Variants in PTPN3 observed in about 807,000 individuals in gnomAD.
The protein encoded by PTPN3 is protein tyrosine phosphatase non-receptor type 3.
A neutral mutation model predicts 132.7 loss-of-function variants in PTPN3; 96 were observed. The observed-to-expected ratio is 0.72, with a 90% CI of 0.61 to 0.86. The LOEUF (loss-of-function observed/expected upper bound fraction) is 0.86, where lower values mean the gene tolerates loss of function less well. Ranked by LOEUF, PTPN3 falls within the 40% of genes least tolerant of loss-of-function variation. The pLI is 0.00. For synonymous variants in PTPN3, 398 were observed against 429.0 expected (o/e 0.93, Z 0.89); for missense variants, 1,125 against 1,159.6 (o/e 0.97, Z 0.43).
chr9:109,398,312 G>C (rs1471294414), intron 19 of PTPN3, among the ~76,000 whole-genome samples: 1 of 152,138 alleles, frequency 6.6e-6, no homozygotes, highest in Non-Finnish European at 1.5e-5. Context: ...AGATACAATT[G>C]CTCTCATTAA....
intron 21 of PTPN3, among the ~76,000 whole-genome samples, chr9:109,389,908 G>A (rs888175327): frequency 2.0e-5 from 3 of 152,214 alleles, no homozygotes; most frequent in Non-Finnish European, 4.4e-5. Context: ...TGAAATGAAT[G>A]TTTCAGGTAG....
In PTPN3 at chr9:109,423,333, A is replaced by T. The variant is rs149996550; in HGVS notation, c.1002-481T>A. ...TAGAAAGTAGTTTCAAACTGGGCAC[A>T]GTGGCTCATGCCTGCAATCCCAGCA... is the stretch of plus-strand genomic sequence containing the variant. On this transcript the variant is annotated intron_variant, in intron 12 of 25. Transcript: ENST00000374541. 2.6e-3 allele frequency among the ~76,000 whole-genome samples: 403 copies of T among 152,380 alleles called. 3 individuals are homozygous for T. Among genetic ancestry groups the T allele is most frequent in the African/African-American group, 9.4e-3 (391 of 41,590 alleles).
At chr9:109,455,571 T>C (rs1845519188) in intron 4 of PTPN3, among the ~76,000 whole-genome samples, 1 of 152,256 alleles carries the variant, frequency 6.6e-6, no homozygotes, top group African/African-American at 2.4e-5. Context: ...TGAGTACACC[T>C]GTCCACATGT....
At chr9:109,420,370 T>A in intron 14 of PTPN3, 54 bp downstream of exon 14, 1 of 1,524,358 alleles carries the variant, frequency 6.6e-7, no homozygotes, top group African/African-American at 1.4e-5. Context: ...CTGAGCAAAT[T>A]CCGCAACAGC....
intron 7 of PTPN3, among the ~76,000 whole-genome samples, chr9:109,439,459 G>A (rs1319879127): frequency 6.6e-6 from 1 of 152,128 alleles, no homozygotes; most frequent in African/African-American, 2.4e-5. Flanking sequence ...GCCTCCTGAG[G>A]ACTCTCAATT....
chr9:109,379,375 T>C lies in PTPN3; in HGVS notation c.*181A>G. 1.7e-6 allele frequency: 1 copy of C among 597,722 alleles called. No homozygotes were observed. The highest frequency in any genetic ancestry group is 3.0e-6 in the Non-Finnish European group (1 of 337,144). The allele number at this position is 597,722 out of a possible 1,614,324, so 37.0% of individuals were successfully genotyped here. ...CTAAATGATGCCATAATTGCATGCT[T>C]ATCTACACCAGTTCCTATGTACACG... On this transcript the variant is annotated 3_prime_UTR_variant, in exon 26 of 26. Coordinates refer to ENST00000374541, the MANE Select transcript of PTPN3 (RefSeq NM_002829.4).
chr9:109,475,366 A>AC (rs1287533066), intron 1 of PTPN3, among the ~76,000 whole-genome samples: 1 of 152,256 alleles, frequency 6.6e-6, no homozygotes, highest in African/African-American at 2.4e-5. Flanking sequence ...TGAATACCTC[A>AC]TTCTTGGAAA....
rs57892180 is a variant in PTPN3 at position 109,422,710 on chromosome 9, G to C, written c.1136+8C>G. The stretch of plus-strand genomic sequence containing the variant: ...GGTAGTACAAAAAAAAAAAAAAGGA[G>C]GACATACCAGTTGGGAGTAATGGGA... On this transcript the variant is annotated splice_region_variant and intron_variant, in intron 13 of 25. Coordinates refer to ENST00000374541, the MANE Select transcript of PTPN3 (RefSeq NM_002829.4). 6.3e-7 allele frequency: 1 copy of C among 1,593,130 alleles called. No individual in the cohort carries two copies. Among genetic ancestry groups the C allele is most frequent in the Admixed American group, 1.8e-5 (1 of 56,476 alleles).
intron 22 of PTPN3, among the ~76,000 whole-genome samples, chr9:109,387,546 C>T (rs911088418): frequency 2.6e-5 from 4 of 152,190 alleles, no homozygotes; most frequent in East Asian, 1.9e-4. Context: ...GCACCCACTA[C>T]TGGATGAGGC....
At position 109,410,318 on chromosome 9, in the gene PTPN3, CA is replaced by C. The variant is rs1841981436; in HGVS notation, c.1410del (p.Asp471ThrfsTer8). 6.2e-7 allele frequency: 1 copy of C among 1,614,050 alleles called. No homozygotes were observed. The highest frequency in any genetic ancestry group is 1.7e-5 in the Admixed American group (1 of 60,006). ...TCTAAGAGCTGCTGATCAACGCCGT[CA>C]GGTGAGCAGGAGCCTGGAGCATTTG... ...PSSNAPGSCS[P>X]DGVDQQLLDD... On this transcript the variant is annotated frameshift_variant, in exon 15 of 26. Transcript: ENST00000374541. LOFTEE classifies it high-confidence loss of function.
In PTPN3 at chr9:109,383,210, G is replaced by A. The variant is rs181760442; in HGVS notation, c.2382+213C>T. On this transcript the variant is annotated intron_variant, in intron 23 of 25. Coordinates refer to ENST00000374541, the MANE Select transcript of PTPN3 (RefSeq NM_002829.4). ...CGTGCTGTTTATCCATTCCTCCATC[G>A]ATGGACACTGGGCTGTTTGCACCTC... 171 of 693,866 alleles carry A rather than the reference G, an allele frequency of 2.5e-4. 1 individual carries two copies. In the East Asian group the frequency reaches 4.5e-3, roughly 18 times the overall value. 43.0% of individuals were successfully genotyped at this position (693,866 alleles called of 1,614,324 possible).
chr9:109,420,207 CA>C (rs1236904803), intron 14 of PTPN3, among the ~76,000 whole-genome samples: 1 of 152,092 alleles, frequency 6.6e-6, no homozygotes, highest in Non-Finnish European at 1.5e-5. Context: ...TTGTCGTGGA[CA>C]AAAAGAAGTA....
chr9:109,474,780 A>C (rs892904336), intron 1 of PTPN3, among the ~76,000 whole-genome samples: 1 of 152,156 alleles, frequency 6.6e-6, no homozygotes, highest in African/African-American at 2.4e-5. Context: ...TTAGGATACA[A>C]TGTAAGGCTG....
the PTPN3 span, among the ~76,000 whole-genome samples, chr9:109,507,540 G>A: frequency 6.6e-6 from 1 of 152,194 alleles, no homozygotes. Context: ...CCTCAACTGC[G>A]CCCTGGCGTC....
At chr9:109,412,317 C>T (rs1842139899) in intron 14 of PTPN3, among the ~76,000 whole-genome samples, 1 of 152,056 alleles carries the variant, frequency 6.6e-6, no homozygotes, top group Non-Finnish European at 1.5e-5. Flanking sequence ...AAGAGATCTT[C>T]CTATCTTGGT....
At chr9:109,399,515 G>C (rs1349231873) in intron 19 of PTPN3, among the ~76,000 whole-genome samples, 1 of 152,148 alleles carries the variant, frequency 6.6e-6, no homozygotes, top group Non-Finnish European at 1.5e-5. Flanking sequence ...CACCACACTT[G>C]CTAGGTTCCA....
At chr9:109,481,230 C>G (rs1473799542) in intron 1 of PTPN3, among the ~76,000 whole-genome samples, 1 of 152,144 alleles carries the variant, frequency 6.6e-6, no homozygotes. Flanking sequence ...AAGGGCAGGG[C>G]AGGGCATGGC....
intron 1 of PTPN3, among the ~76,000 whole-genome samples, chr9:109,476,340 A>G (rs1846664727): frequency 6.6e-6 from 1 of 152,078 alleles, no homozygotes; most frequent in Non-Finnish European, 1.5e-5. Context: ...TGAAATGTAT[A>G]TGTTTATCAA....
At chr9:109,385,501 G>A (rs961909382) in intron 22 of PTPN3, among the ~76,000 whole-genome samples, 4 of 152,158 alleles carry the variant, frequency 2.6e-5, no homozygotes, top group Non-Finnish European at 5.9e-5. Context: ...GATTGTCTCT[G>A]TTTTGCATAT....
Sources: allele counts gnomAD v4.1 joint callset (sites outside exome capture counted in the v4.1 genomes callset), GRCh38; gene constraint gnomAD v4.1.1; transcripts MANE v1.5; gene names NCBI Gene and HGNC (gene_info 2026-07-23, HGNC 2026-07-21).